Variants in SMCO4 observed in about 807,000 individuals in gnomAD.
SMCO4 encodes the protein single-pass membrane and coiled-coil domain-containing protein 4.
A neutral mutation model predicts 3.6 loss-of-function variants in SMCO4; 4 were observed. The observed-to-expected ratio is 1.11, with a 90% confidence interval of 0.54 to 2.53. The LOEUF is 2.53. Among genes scored for constraint, SMCO4 ranks in the 30% most tolerant of loss-of-function variants. The pLI is 0.02. For synonymous variants in SMCO4, 36 were observed against 35.3 expected (o/e 1.02, Z -0.07); for missense variants, 70 against 80.8 (o/e 0.87, Z 0.51).
the SMCO4 span, among the ~76,000 whole-genome samples, chr11:93,553,856 T>C: frequency 6.6e-6 from 1 of 152,216 alleles, no homozygotes; most frequent in Non-Finnish European, 1.5e-5. Flanking sequence ...CCAAGCCTCC[T>C]AGCCTTACCT....
At chr11:93,499,741 C>T (rs1304092283) in intron 1 of SMCO4, among the ~76,000 whole-genome samples, 3 of 152,164 alleles carry the variant, frequency 2.0e-5, no homozygotes, top group Non-Finnish European at 4.4e-5. Context: ...ATGAAGGATA[C>T]AGGTTTGGGA....
At chr11:93,485,285 T>C (rs143162588) in intron 2 of SMCO4, among the ~76,000 whole-genome samples, 2,129 of 152,282 alleles carry the variant, frequency 0.014, 26 homozygotes, top group South Asian at 0.023. Context: ...TCCCTAAGCC[T>C]TCACAGCCCA....
chr11:93,508,797 G>C (rs1591315708), intron 1 of SMCO4, among the ~76,000 whole-genome samples: 1 of 152,188 alleles, frequency 6.6e-6, no homozygotes, highest in Non-Finnish European at 1.5e-5. Context: ...CCTATTTCCA[G>C]AGCATGGACT....
At chr11:93,504,190 A>G (rs1461832223) in intron 1 of SMCO4, among the ~76,000 whole-genome samples, 2 of 152,234 alleles carry the variant, frequency 1.3e-5, no homozygotes, top group East Asian at 3.8e-4. Context: ...AAAGAAGATT[A>G]GAAATCAAGA....
intron 2 of SMCO4, among the ~76,000 whole-genome samples, chr11:93,492,295 G>C (rs1489076017): frequency 6.6e-6 from 1 of 152,142 alleles, no homozygotes; most frequent in African/African-American, 2.4e-5. Flanking sequence ...CGTGCCACAA[G>C]CTGATTAACT....
intron 1 of SMCO4, among the ~76,000 whole-genome samples, chr11:93,510,826 CA>C (rs537618353): frequency 1.1e-3 from 165 of 152,304 alleles, no homozygotes; most frequent in African/African-American, 3.8e-3. Context: ...CAGGCCACTG[CA>C]GTGGCTCATG....
intron 1 of SMCO4, chr11:93,535,673 C>A: frequency 6.2e-7 from 1 of 1,611,010 alleles, no homozygotes; most frequent in South Asian, 1.1e-5. Flanking sequence ...AAGATCAGCA[C>A]AGTGGTGAGC....
intron 2 of SMCO4, among the ~76,000 whole-genome samples, chr11:93,494,026 T>C (rs1429844497): frequency 6.6e-6 from 1 of 152,160 alleles, no homozygotes; most frequent in African/African-American, 2.4e-5. Context: ...GATAGCCTCC[T>C]CCACTGTTTC....
chr11:93,489,301 A>G (rs182513087), intron 2 of SMCO4, among the ~76,000 whole-genome samples: 29 of 152,358 alleles, frequency 1.9e-4, no homozygotes, highest in Middle Eastern at 3.4e-3. Flanking sequence ...TAGTAGGTAT[A>G]ATATAAGCAT....
intron 2 of SMCO4, among the ~76,000 whole-genome samples, chr11:93,488,770 T>C (rs1379996955): frequency 6.6e-6 from 1 of 151,966 alleles, no homozygotes; most frequent in African/African-American, 2.4e-5. Context: ...CTGGGAGCTG[T>C]GGGCCCTTAA....
At chr11:93,482,941 A>C (rs998961944) in intron 2 of SMCO4, among the ~76,000 whole-genome samples, 1 of 152,120 alleles carries the variant, frequency 6.6e-6, no homozygotes, top group Non-Finnish European at 1.5e-5. Flanking sequence ...CTAGAGAATG[A>C]TGTTTGAGGG....
the SMCO4 span, among the ~76,000 whole-genome samples, chr11:93,550,388 G>T: frequency 6.6e-6 from 1 of 152,168 alleles, no homozygotes; most frequent in Non-Finnish European, 1.5e-5. Flanking sequence ...GGCCAGGCAT[G>T]GTGCCTCATG....
At chr11:93,547,800 C>T (rs1360858858), upstream of SMCO4, among the ~76,000 whole-genome samples, 1 of 151,994 alleles carries the variant, frequency 6.6e-6, no homozygotes, top group Non-Finnish European at 1.5e-5. Context: ...GTGGAAGATT[C>T]TCTCTGCTGG....
intron 1 of SMCO4, among the ~76,000 whole-genome samples, chr11:93,542,287 G>T (rs561779033): frequency 6.6e-6 from 1 of 152,164 alleles, no homozygotes; most frequent in Non-Finnish European, 1.5e-5. Context: ...GAGCAGATGC[G>T]CTGTTGGGCT....
At chr11:93,517,935 GT>G (rs1403048202) in intron 1 of SMCO4, among the ~76,000 whole-genome samples, 3 of 152,170 alleles carry the variant, frequency 2.0e-5, no homozygotes, top group African/African-American at 7.2e-5. Flanking sequence ...GCTCCAAATT[GT>G]TTTTAATTGA....
chr11:93,492,840 A>G (rs945515024), intron 2 of SMCO4, among the ~76,000 whole-genome samples: 3 of 152,222 alleles, frequency 2.0e-5, no homozygotes, highest in Admixed American at 1.3e-4. Context: ...GTGCACTCTC[A>G]ATGCTTACCA....
In SMCO4 at chr11:93,478,745, A is replaced by G. The variant is rs1444405062; in HGVS notation, c.*265T>C. 2 of 737,132 alleles carry G rather than the reference A, an allele frequency of 2.7e-6. No homozygotes were observed. Among genetic ancestry groups the G allele is most frequent in the Non-Finnish European group, 3.7e-6 (2 of 544,466 alleles). 45.7% of individuals were successfully genotyped at this position (737,132 alleles called of 1,614,324 possible). ...CACACACACACACACACACACACAC[A>G]CACACACATGCGCGCGCGCTTTGAA... On this transcript the variant is annotated 3_prime_UTR_variant, in exon 3 of 3. Coordinates refer to ENST00000298966, the MANE Select transcript of SMCO4 (RefSeq NM_020179.3).
intron 1 of SMCO4, among the ~76,000 whole-genome samples, chr11:93,514,488 T>C (rs1001058333): frequency 1.4e-5 from 2 of 144,792 alleles, no homozygotes; most frequent in Non-Finnish European, 3.0e-5. Flanking sequence ...CTCGCTATAT[T>C]TTTCCATCAG....
chr11:93,512,826 C>T (rs1948970010), intron 1 of SMCO4, among the ~76,000 whole-genome samples: 1 of 152,138 alleles, frequency 6.6e-6, no homozygotes, highest in African/African-American at 2.4e-5. Context: ...CCAGTAAGTG[C>T]TGTGAAAGGG....
Sources: gnomAD v4.1 joint callset for allele counts (sites outside exome capture counted in the v4.1 genomes callset) on GRCh38, gnomAD v4.1.1 for gene constraint, MANE v1.5 for transcripts, NCBI Gene and HGNC (gene_info 2026-07-23, HGNC 2026-07-21) for gene names.